Variants in ZNF423 observed in about 807,000 individuals in gnomAD.
ZNF423 encodes Ebf-associated zinc finger protein.
A neutral mutation model predicts 95.8 loss-of-function variants in ZNF423; 12 were observed. That is an observed-to-expected ratio of 0.13 (90% CI 0.08 to 0.20). The LOEUF (loss-of-function observed/expected upper bound fraction) is 0.20, where lower values mean the gene tolerates loss of function less well. Among genes scored for constraint, ZNF423 ranks in the 10% least tolerant of loss-of-function variants. The probability of loss-of-function intolerance (pLI) is 1.00; values close to 1 mark genes in which losing one functional copy is unlikely to be tolerated. For synonymous variants in ZNF423, 749 were observed against 711.9 expected, an observed-to-expected ratio of 1.05 and a Z score of -0.83; for missense variants, 1,316 against 1,737.1, an observed-to-expected ratio of 0.76 and a Z score of 4.31.
chr16:49,583,876 G>C (rs1050190175), intron 5 of ZNF423, among the ~76,000 whole-genome samples: 1 of 152,212 alleles, frequency 6.6e-6, no homozygotes, highest in African/African-American at 2.4e-5. Flanking sequence ...TAAGTTATAA[G>C]AAAGCTAAAT....
chr16:49,593,025 A>T (rs935336736), intron 5 of ZNF423, among the ~76,000 whole-genome samples: 1 of 152,150 alleles, frequency 6.6e-6, no homozygotes, highest in Admixed American at 6.5e-5. Context: ...AAAATCCTTC[A>T]AATACCTGAT....
intron 1 of ZNF423, among the ~76,000 whole-genome samples, chr16:49,840,698 C>T (rs1349316059): frequency 4.6e-5 from 7 of 151,700 alleles, no homozygotes; most frequent in Non-Finnish European, 8.8e-5. Context: ...CACGTGTACA[C>T]ACTCTCGCAT....
intron 5 of ZNF423, among the ~76,000 whole-genome samples, chr16:49,545,097 C>T (rs929914543): frequency 6.6e-6 from 1 of 152,212 alleles, no homozygotes; most frequent in Non-Finnish European, 1.5e-5. Context: ...GATCCAGGAC[C>T]GAAATGCAAC....
At chr16:49,770,041 T>C (rs2034004767) in intron 2 of ZNF423, among the ~76,000 whole-genome samples, 1 of 152,152 alleles carries the variant, frequency 6.6e-6, no homozygotes, top group East Asian at 1.9e-4. Flanking sequence ...GTGGTGCATT[T>C]TTATTCATTG....
At chr16:49,523,831 A>C in intron 6 of ZNF423, 92 bp from the exon 7 acceptor site, 2 of 1,000,796 alleles carry the variant, frequency 2.0e-6, no homozygotes, top group Non-Finnish European at 3.1e-6. Flanking sequence ...GGCAGGGATC[A>C]CTGTGGCATA....
rs552421632 is a variant in ZNF423, at chr16:49,590,050, A to ATATATATATATATATATATATG, written c.3601+36119_3601+36120insCATATATATATATATATATATA. ...GGCGAATATATATATATATATATATATTTGGTCCATACAGACGTGACCAGA... is the reference window on the plus strand; with the variant it reads ...GGCGAATATATATATATATATATATATATATATATATATATATATATGTTTGGTCCATACAGACGTGACCAGA... On this transcript the variant is annotated intron_variant, in intron 5 of 7. Coordinates refer to ENST00000563137, the MANE Select transcript of ZNF423 (RefSeq NM_001379286.1). 3.9e-3 allele frequency among the ~76,000 whole-genome samples: 461 copies of ATATATATATATATATATATATG among 117,506 alleles called. 48 individuals carry two copies. Among genetic ancestry groups the ATATATATATATATATATATATG allele is most frequent in the South Asian group, 0.02 (59 of 2,926 alleles). The allele number at this position is 117,506 out of a possible 152,430, so 77.1% of individuals were successfully genotyped here.
At chr16:49,507,548 G>A (rs763142088) in intron 7 of ZNF423, among the ~76,000 whole-genome samples, 51 of 152,180 alleles carry the variant, frequency 3.4e-4, no homozygotes, top group Non-Finnish European at 4.4e-4. Context: ...CCTCAGCTGG[G>A]AAACTGGTCA....
At chr16:49,556,399 A>G (rs1969827073) in intron 5 of ZNF423, among the ~76,000 whole-genome samples, 1 of 152,186 alleles carries the variant, frequency 6.6e-6, no homozygotes, top group Non-Finnish European at 1.5e-5. Flanking sequence ...AGATTTTTCT[A>G]TCCCAGCGTC....
At chr16:49,513,898 C>A (rs559532240) in intron 7 of ZNF423, among the ~76,000 whole-genome samples, 7 of 151,986 alleles carry the variant, frequency 4.6e-5, no homozygotes, top group Admixed American at 6.6e-5. Flanking sequence ...TTCCTGCAGG[C>A]AGATAGGCAG....
chr16:49,690,151 A>G (rs777585740), intron 3 of ZNF423, among the ~76,000 whole-genome samples: 25 of 152,142 alleles, frequency 1.6e-4, no homozygotes, highest in Non-Finnish European at 3.5e-4. Context: ...ACTGCCCTGA[A>G]CCCTCATCGC....
In ZNF423 at chr16:49,782,866, G is replaced by A. The variant is rs562475304; in HGVS notation, c.100+6621C>T. ...ACGCTAAGCATGGTGGTACATGCCTGTAATTCCAGCTGCTTGGGAGGCTGA... is the reference window on the plus strand; with the variant it reads ...ACGCTAAGCATGGTGGTACATGCCTATAATTCCAGCTGCTTGGGAGGCTGA... On this transcript the variant is annotated intron_variant, in intron 2 of 7. Coordinates refer to ENST00000563137, the MANE Select transcript of ZNF423 (RefSeq NM_001379286.1). 1.6e-3 allele frequency among the ~76,000 whole-genome samples: 245 copies of A among 151,478 alleles called. 1 individual carries two copies. The highest frequency in any genetic ancestry group is 5.8e-3 in the African/African-American group (240 of 41,270).
chr16:49,531,836 C>A (rs1019697547), intron 5 of ZNF423, among the ~76,000 whole-genome samples: 1 of 152,040 alleles, frequency 6.6e-6, no homozygotes, highest in African/African-American at 2.4e-5. Context: ...TGGCAGCCCA[C>A]GGGAACCCAC....
upstream of ZNF423, among the ~76,000 whole-genome samples, chr16:49,858,727 CCACG>C (rs2035399502): frequency 7.1e-6 from 1 of 140,672 alleles, no homozygotes; most frequent in Admixed American, 6.9e-5. The surrounding 1 kb of genome is among the most constrained non-coding windows in gnomAD (Gnocchi z 4.3). Flanking sequence ...GCCCCCCCCC[CCACG>C]CCCCCGCGGC....
intron 3 of ZNF423, among the ~76,000 whole-genome samples, chr16:49,727,194 G>A (rs1010145170): frequency 1.3e-5 from 2 of 152,238 alleles, no homozygotes; most frequent in Non-Finnish European, 2.9e-5. Context: ...ACTTGATGGA[G>A]TTGTCCGAGA....
intron 5 of ZNF423, among the ~76,000 whole-genome samples, chr16:49,532,290 C>T (rs1172437269): frequency 2.6e-5 from 4 of 152,196 alleles, no homozygotes; most frequent in South Asian, 2.1e-4. Flanking sequence ...CTGTCCCCGA[C>T]CCCCAGTGCC....
At chr16:49,676,287 C>T (rs73569278) in intron 3 of ZNF423, among the ~76,000 whole-genome samples, 2,805 of 152,286 alleles carry the variant, frequency 0.018, 89 homozygotes, top group African/African-American at 0.064. Flanking sequence ...CACACGCACA[C>T]GGGCATGTGG....
intron 3 of ZNF423, among the ~76,000 whole-genome samples, chr16:49,677,233 GAAGAGAAGAGAAGAT>G (rs1352346192): frequency 0.074 from 901 of 12,184 alleles, 304 homozygotes; most frequent in African/African-American, 0.22. Flanking sequence ...CAAGAAAAGA[GAAGAGAAGAGAAGAT>G]AAGAGAAGAG....
At chr16:49,703,414 G>T (rs1417625382) in intron 3 of ZNF423, among the ~76,000 whole-genome samples, 1 of 152,198 alleles carries the variant, frequency 6.6e-6, no homozygotes, top group African/African-American at 2.4e-5. Context: ...AGGGCAGGGT[G>T]CCCATCCACC....
intron 5 of ZNF423, among the ~76,000 whole-genome samples, chr16:49,621,514 C>T (rs1972082596): frequency 6.6e-6 from 1 of 152,186 alleles, no homozygotes. Context: ...CGGTTTACCG[C>T]CCCGCAGGGG....
Sources: gnomAD v4.1 joint callset for allele counts (sites outside exome capture counted in the v4.1 genomes callset) on GRCh38, gnomAD v4.1.1 for gene constraint, Gnocchi (gnomAD v3.1) non-coding constraint, MANE v1.5 for transcripts, NCBI Gene and HGNC (gene_info 2026-07-23, HGNC 2026-07-21) for gene names.